The following ZNF385B variants were observed in gnomAD, a reference collection of about 807,000 sequenced individuals.
ZNF385B encodes zinc finger protein 385B.
Under a neutral mutation model 39.2 loss-of-function variants are expected in ZNF385B, and 23 were observed. The ratio of observed to expected loss-of-function variants is 0.59; its 90% CI spans 0.42 to 0.83. ZNF385B has a LOEUF of 0.83. ZNF385B is among the 40% of genes least tolerant of loss of function. The pLI is 0.00. For synonymous variants in ZNF385B, 205 were observed against 222.6 expected (o/e 0.92, Z 0.70); for missense variants, 552 against 598.9 (o/e 0.92, Z 0.82).
At chr2:179,681,427 A>G (rs926528813) in intron 3 of ZNF385B, among the ~76,000 whole-genome samples, 3 of 152,178 alleles carry the variant, frequency 2.0e-5, no homozygotes, top group African/African-American at 7.2e-5. Flanking sequence ...GGCAAGAAAG[A>G]ATTGTTAATT....
chr2:179,682,884 C>G (rs1229559031), intron 3 of ZNF385B, among the ~76,000 whole-genome samples: 2 of 152,154 alleles, frequency 1.3e-5, no homozygotes, highest in South Asian at 2.1e-4. Context: ...GGTTCCTGGT[C>G]AGGAAGCACA....
At chr2:179,767,094 A>T (rs1283420670) in intron 3 of ZNF385B, among the ~76,000 whole-genome samples, 4 of 152,204 alleles carry the variant, frequency 2.6e-5, no homozygotes, top group Admixed American at 1.3e-4. Context: ...CACAGTGTGG[A>T]AGAAAGAGGC....
chr2:179,500,122 A>G (rs2056618999), intron 5 of ZNF385B, among the ~76,000 whole-genome samples: 1 of 152,078 alleles, frequency 6.6e-6, no homozygotes. Flanking sequence ...ATTGATGAAA[A>G]AAATTGAAGA....
At chr2:179,773,711 G>A (rs184564941) in intron 1 of ZNF385B, among the ~76,000 whole-genome samples, 5 of 152,292 alleles carry the variant, frequency 3.3e-5, no homozygotes, top group Admixed American at 3.3e-4. Context: ...CAGTGAACAC[G>A]GTCAAGGAGA....
chr2:179,612,727 T>C (rs1424579304), intron 3 of ZNF385B, among the ~76,000 whole-genome samples: 1 of 152,144 alleles, frequency 6.6e-6, no homozygotes, highest in Non-Finnish European at 1.5e-5. Flanking sequence ...ACTGCCTGGC[T>C]ATCACCTATG....
chr2:179,807,919 AAAGAAAG>A (rs1454445170), intron 1 of ZNF385B, among the ~76,000 whole-genome samples: 3 of 150,748 alleles, frequency 2.0e-5, no homozygotes, highest in African/African-American at 7.4e-5. Flanking sequence ...AGAAAGAAAG[AAAGAAAG>A]AAAGAAGGAA....
intron 6 of ZNF385B, among the ~76,000 whole-genome samples, chr2:179,455,416 AGTTCTCATGAGAT>A (rs1204119194): frequency 6.6e-6 from 1 of 151,946 alleles, no homozygotes; most frequent in Non-Finnish European, 1.5e-5. Flanking sequence ...ATTGTGAGTG[AGTTCTCATGAGAT>A]CTGATGGTTT....
At chr2:179,669,473 C>G (rs1417877268) in intron 3 of ZNF385B, among the ~76,000 whole-genome samples, 1 of 152,156 alleles carries the variant, frequency 6.6e-6, no homozygotes, top group African/African-American at 2.4e-5. Flanking sequence ...TTTAAGTCTC[C>G]AGATGATTCT....
intron 5 of ZNF385B, among the ~76,000 whole-genome samples, chr2:179,493,758 T>TATGTATACATATATGTATATACAC (rs1559337920): frequency 8.5e-5 from 11 of 128,718 alleles, no homozygotes; most frequent in African/African-American, 2.0e-4. Flanking sequence ...TGTATATACA[T>TATGTATACATATATGTATATACAC]ATATGTATAC....
intron 3 of ZNF385B, among the ~76,000 whole-genome samples, chr2:179,609,145 A>T (rs2106126311): frequency 6.6e-6 from 1 of 152,074 alleles, no homozygotes; most frequent in South Asian, 2.1e-4. Context: ...TGTGCTATCA[A>T]ATACTAGATT....
chr2:179,494,278 A>G (rs889522967), intron 5 of ZNF385B, among the ~76,000 whole-genome samples: 6 of 152,136 alleles, frequency 3.9e-5, no homozygotes, highest in African/African-American at 9.7e-5. Flanking sequence ...GCAGAATCAC[A>G]GGGGTGTTTT....
chr2:179,711,716 T>G (rs979102720), intron 3 of ZNF385B, among the ~76,000 whole-genome samples: 12 of 151,912 alleles, frequency 7.9e-5, no homozygotes, highest in African/African-American at 2.7e-4. Context: ...CAGGTAGAGG[T>G]TGCTAGGGGG....
chr2:179,603,471 G>T (rs1688563963), intron 3 of ZNF385B, among the ~76,000 whole-genome samples: 1 of 152,098 alleles, frequency 6.6e-6, no homozygotes, highest in Non-Finnish European at 1.5e-5. Context: ...TTTTTCAAAA[G>T]AAATTCTTTT....
chr2:179,825,765 G>A (rs932115754), intron 1 of ZNF385B, among the ~76,000 whole-genome samples: 2 of 152,122 alleles, frequency 1.3e-5, no homozygotes, highest in African/African-American at 4.8e-5. Context: ...TTCACTGTGA[G>A]TCTCTGAAAT....
chr2:179,487,326 G>A (rs528363926), intron 5 of ZNF385B, among the ~76,000 whole-genome samples: 1 of 152,360 alleles, frequency 6.6e-6, no homozygotes, highest in South Asian at 2.1e-4. Flanking sequence ...AAATGGAGTG[G>A]AAGACTGTGA....
chr2:179,762,012 A>G (rs1215842424), intron 3 of ZNF385B, among the ~76,000 whole-genome samples: 2 of 152,086 alleles, frequency 1.3e-5, no homozygotes, highest in Non-Finnish European at 2.9e-5. Flanking sequence ...GTCTTTCACC[A>G]TTAAGTATGA....
chr2:179,580,981 G>A (rs1343772228), intron 3 of ZNF385B, among the ~76,000 whole-genome samples: 1 of 152,138 alleles, frequency 6.6e-6, no homozygotes, highest in Non-Finnish European at 1.5e-5. Flanking sequence ...GCATGAATGG[G>A]GTTCAGTATA....
intron 1 of ZNF385B, among the ~76,000 whole-genome samples, chr2:179,786,994 C>T (rs762714686): frequency 6.6e-6 from 1 of 152,032 alleles, no homozygotes; most frequent in Non-Finnish European, 1.5e-5. Context: ...CACTTATTTG[C>T]AATAATTGAG....
intron 1 of ZNF385B, among the ~76,000 whole-genome samples, chr2:179,855,116 GT>G (rs1684484641): frequency 6.6e-6 from 1 of 151,868 alleles, no homozygotes; most frequent in Non-Finnish European, 1.5e-5. Context: ...GTGGAATATG[GT>G]CCCCAGTTAA....
Sources: allele counts gnomAD v4.1 joint callset (sites outside exome capture counted in the v4.1 genomes callset), GRCh38; gene constraint gnomAD v4.1.1; transcripts MANE v1.5; gene names NCBI Gene and HGNC (gene_info 2026-07-23, HGNC 2026-07-21).